The following PDGFC variants were observed in gnomAD, a reference collection of about 807,000 sequenced individuals.
The protein encoded by PDGFC is platelet-derived growth factor C.
Under a neutral mutation model 35.5 loss-of-function variants are expected in PDGFC, and 12 were observed. The observed-to-expected ratio is 0.34, with a 90% CI of 0.22 to 0.55. The LOEUF (loss-of-function observed/expected upper bound fraction) is 0.55, where lower values mean the gene tolerates loss of function less well. PDGFC is among the 20% of genes least tolerant of loss of function. PDGFC has a pLI of 0.91. For missense variants in PDGFC, 322 were observed against 412.4 expected (o/e 0.78, Z 1.90); for synonymous variants, 159 against 148.8 (o/e 1.07, Z -0.50).
chr4:156,967,984 G>C (rs1732504987), intron 1 of PDGFC, among the ~76,000 whole-genome samples: 1 of 152,118 alleles, frequency 6.6e-6, no homozygotes, highest in Admixed American at 6.6e-5. Context: ...AAAGTGGCAA[G>C]AATTGCAATC....
intron 3 of PDGFC, among the ~76,000 whole-genome samples, chr4:156,788,443 A>G (rs576040442): frequency 6.6e-6 from 1 of 152,346 alleles, no homozygotes; most frequent in African/African-American, 2.4e-5. Context: ...AATAATTAAA[A>G]AGTTAAATTT....
chr4:156,922,829 AGAATGGATGAGACAGT>A (rs1215157655), intron 1 of PDGFC, among the ~76,000 whole-genome samples: 1 of 152,150 alleles, frequency 6.6e-6, no homozygotes, highest in Non-Finnish European at 1.5e-5. Flanking sequence ...AGAAAAACAA[AGAATGGATGAGACAGT>A]GAAAAAGGAT....
chr4:156,945,369 ATAT>A (rs1731919889), intron 1 of PDGFC, among the ~76,000 whole-genome samples: 1 of 124,456 alleles, frequency 8.0e-6, no homozygotes, highest in East Asian at 2.6e-4. Flanking sequence ...ATATATATAT[ATAT>A]ATATATATAT....
At chr4:156,969,131 A>T (rs746111933) in intron 1 of PDGFC, among the ~76,000 whole-genome samples, 1 of 152,242 alleles carries the variant, frequency 6.6e-6, no homozygotes, top group Non-Finnish European at 1.5e-5. Flanking sequence ...GGACAGGAAC[A>T]ATAAAAAACA....
At chr4:156,963,670 A>C (rs765225623) in intron 1 of PDGFC, among the ~76,000 whole-genome samples, 2 of 152,172 alleles carry the variant, frequency 1.3e-5, no homozygotes, top group Non-Finnish European at 2.9e-5. Flanking sequence ...GGGGATGATA[A>C]AAAGTGGCTT....
intron 1 of PDGFC, among the ~76,000 whole-genome samples, chr4:156,904,078 A>G (rs1182839797): frequency 6.6e-6 from 1 of 152,168 alleles, no homozygotes; most frequent in Non-Finnish European, 1.5e-5. Flanking sequence ...TAAGTGCCAT[A>G]TTCTTGCAAT....
intron 1 of PDGFC, among the ~76,000 whole-genome samples, chr4:156,874,582 C>A (rs1730063730): frequency 6.6e-6 from 1 of 152,018 alleles, no homozygotes; most frequent in African/African-American, 2.4e-5. Flanking sequence ...CAGTAGCCTG[C>A]CTATGATTTA....
intron 3 of PDGFC, among the ~76,000 whole-genome samples, chr4:156,800,517 T>A (rs189140957): frequency 1.3e-5 from 2 of 152,296 alleles, no homozygotes; most frequent in Non-Finnish European, 2.9e-5. Flanking sequence ...TCAAAGCATT[T>A]AAATATATTA....
At chr4:156,776,326 T>C (rs1358428750) in intron 3 of PDGFC, among the ~76,000 whole-genome samples, 2 of 152,204 alleles carry the variant, frequency 1.3e-5, no homozygotes, top group African/African-American at 4.8e-5. Context: ...GATTTTCACA[T>C]TTCCTGTTTA....
chr4:156,787,358 G>A (rs1462117580), intron 3 of PDGFC, among the ~76,000 whole-genome samples: 4 of 152,156 alleles, frequency 2.6e-5, no homozygotes, highest in African/African-American at 9.7e-5. Flanking sequence ...CTGATAAGAG[G>A]AGGATTGAGG....
At chr4:156,824,429 T>C (rs1377394878) in intron 2 of PDGFC, among the ~76,000 whole-genome samples, 1 of 151,024 alleles carries the variant, frequency 6.6e-6, no homozygotes, top group Non-Finnish European at 1.5e-5. Flanking sequence ...CACATATATA[T>C]ACACGTTTAC....
At chr4:156,767,092 G>A (rs899693662) in intron 5 of PDGFC, among the ~76,000 whole-genome samples, 44 of 152,038 alleles carry the variant, frequency 2.9e-4, no homozygotes, top group Admixed American at 1.3e-3. Context: ...ATAGAATGAT[G>A]CTGTATGATG....
intron 1 of PDGFC, among the ~76,000 whole-genome samples, chr4:156,962,227 T>G (rs1732361319): frequency 6.6e-6 from 1 of 152,158 alleles, no homozygotes; most frequent in Non-Finnish European, 1.5e-5. Context: ...ACATTCTCGA[T>G]GCTTCTTGTC....
chr4:156,839,700 C>T (rs560666098), intron 2 of PDGFC, among the ~76,000 whole-genome samples: 37 of 152,018 alleles, frequency 2.4e-4, no homozygotes, highest in Non-Finnish European at 3.2e-4. Context: ...GAAACTTCCT[C>T]GAGACTTGGA....
chr4:156,852,483 T>C (rs1560841439), intron 1 of PDGFC, among the ~76,000 whole-genome samples: 1 of 152,210 alleles, frequency 6.6e-6, no homozygotes, highest in Non-Finnish European at 1.5e-5. Context: ...CACCAACCTA[T>C]TCTCTGTCTC....
intron 2 of PDGFC, among the ~76,000 whole-genome samples, chr4:156,815,356 ACACACACAC>A (rs1732057092): frequency 1.3e-5 from 2 of 149,708 alleles, no homozygotes; most frequent in African/African-American, 5.0e-5. Flanking sequence ...ACACACACAC[ACACACACAC>A]ACCCCGTTGT....
rs536573370 is a variant in PDGFC at position 156,892,289 on chromosome 4, A to C, written c.119-41873T>G. Among the ~76,000 whole-genome samples, 4 of 152,326 alleles carry C rather than the reference A, an allele frequency of 2.6e-5. No homozygotes were observed. The East Asian group carries it at 7.7e-4, about 29-fold the overall frequency. ...TCTTCAGTAGGTTATACATTAATTA[A>C]AGCATAATTAACAAAACTGATACAT... On this transcript the variant is annotated intron_variant, in intron 1 of 5. Transcript: ENST00000502773.
At chr4:156,926,207 A>C (rs190355925) in intron 1 of PDGFC, among the ~76,000 whole-genome samples, 1 of 152,216 alleles carries the variant, frequency 6.6e-6, no homozygotes, top group East Asian at 1.9e-4. Context: ...TATCAAATCA[A>C]TTTACTGCAT....
intron 1 of PDGFC, among the ~76,000 whole-genome samples, chr4:156,865,741 A>T (rs1465582651): frequency 6.6e-6 from 1 of 152,250 alleles, no homozygotes; most frequent in Non-Finnish European, 1.5e-5. Context: ...ATTGATGACA[A>T]AGCTGCTTCC....
Sources: gnomAD v4.1 joint callset for allele counts (sites outside exome capture counted in the v4.1 genomes callset) on GRCh38, gnomAD v4.1.1 for gene constraint, MANE v1.5 for transcripts, NCBI Gene and HGNC (gene_info 2026-07-23, HGNC 2026-07-21) for gene names.